Variants in TNRC6B observed in about 807,000 individuals in gnomAD.
TNRC6B encodes the protein trinucleotide repeat-containing gene 6B protein.
TNRC6B carries 52 observed loss-of-function variants against 203.6 expected under a neutral mutation model. The observed-to-expected ratio is 0.26, with a 90% confidence interval of 0.20 to 0.32. The LOEUF is 0.32. Ranked by LOEUF, TNRC6B falls within the 10% of genes least tolerant of loss-of-function variation. The pLI, the probability that TNRC6B is intolerant of heterozygous loss-of-function variation, is 1.00. For missense variants in TNRC6B, 1,923 were observed against 2,286.2 expected (o/e 0.84, Z 3.24); for synonymous variants, 838 against 845.7 (o/e 0.99, Z 0.16).
intron 1 of TNRC6B, among the ~76,000 whole-genome samples, chr22:40,206,554 C>T (rs569029734): frequency 2.8e-4 from 42 of 152,156 alleles, no homozygotes; most frequent in Non-Finnish European, 4.3e-4. Flanking sequence ...CCCATAAAAA[C>T]GCCATGCTTT....
chr22:40,047,947 C>A (rs2067705706), intron 1 of TNRC6B, among the ~76,000 whole-genome samples: 1 of 152,062 alleles, frequency 6.6e-6, no homozygotes, highest in African/African-American at 2.4e-5. Flanking sequence ...TCATTTTAGT[C>A]GTTGAATTGT....
At position 40,264,862 on chromosome 22, in the gene TNRC6B, C is replaced by T. The variant is rs2070450655; in HGVS notation, c.632C>T (p.Ser211Phe). 3 of 1,613,944 alleles carry T rather than the reference C, an allele frequency of 1.9e-6. No individual in the cohort carries two copies. Among genetic ancestry groups the T allele is most frequent in the Middle Eastern group, 1.6e-4 (1 of 6,062 alleles). The stretch of plus-strand genomic sequence containing the variant: ...ATTGCCAGCAAAGACACTGAATCTT[C>T]TTCCGAAAACACCACCGATAACAAC... ...PCIASKDTES[S>F]SENTTDNNSA... The change falls in exon 5 of 23, where the codon TCT becomes TTT. Residue 211 changes from serine (S) to phenylalanine (F), a missense_variant. Physicochemically the swap from Ser to Phe is radical, Grantham distance 155. Around this residue, in one of 8 missense-constraint regions of TNRC6B, gnomAD observed 614 missense variants for 587.7 expected, o/e 1.04. Transcript: ENST00000454349.
chr22:40,064,078 G>A (rs1259530742), intron 1 of TNRC6B, among the ~76,000 whole-genome samples: 1 of 152,078 alleles, frequency 6.6e-6, no homozygotes, highest in East Asian at 1.9e-4. Flanking sequence ...GAAATACAAT[G>A]GATTTTAATA....
At chr22:40,249,294 G>C (rs1335689843) in intron 2 of TNRC6B, among the ~76,000 whole-genome samples, 1 of 152,238 alleles carries the variant, frequency 6.6e-6, no homozygotes, top group Non-Finnish European at 1.5e-5. Context: ...GGTCAAGAAT[G>C]AAGGTGGAAA....
chr22:40,231,868 T>C (rs922269443), intron 1 of TNRC6B, among the ~76,000 whole-genome samples: 1 of 152,236 alleles, frequency 6.6e-6, no homozygotes, highest in Non-Finnish European at 1.5e-5. Flanking sequence ...CTGCCTGTTG[T>C]TGCCTATGTG....
rs760052516 is a variant in TNRC6B at position 40,323,023 on chromosome 22, G to A, written c.5284G>A (p.Ala1762Thr). The A allele has an allele frequency of 3.7e-6, 6 of 1,603,902 alleles. No individual in the cohort carries two copies. In the South Asian group the frequency reaches 5.6e-5, roughly 15 times the overall value. Residue 1762 changes from alanine (A) to threonine (T), a missense_variant, in exon 23 of 23, where the codon GCT (alanine) becomes ACT (threonine). By Grantham distance (58) the Ala-to-Thr change is moderately conservative (BLOSUM62 0). This residue lies in a region of TNRC6B where 126 missense variants were observed against 137.5 expected (regional missense o/e 0.92). Transcript: ENST00000454349. Reference sequence around the variant, plus strand: ...GAACCAGTCAGATCCCGTGGGACCTGCTCTGAATCTTTTTGGTGGGTCCAC... The same window carrying A: ...GAACCAGTCAGATCCCGTGGGACCTACTCTGAATCTTTTTGGTGGGTCCAC... ...GQNQSDPVGP[A>T]LNLFGGSTGL...
chr22:40,170,943 A>G (rs1232259598), intron 4 of TNRC6B, among the ~76,000 whole-genome samples: 1 of 146,946 alleles, frequency 6.8e-6, no homozygotes, highest in African/African-American at 2.5e-5. Flanking sequence ...ATATATGTAC[A>G]TATAGGTGTA....
At position 40,083,228 on chromosome 22, in the gene TNRC6B, A is replaced by G. The variant is rs541646864; in HGVS notation, c.-120-33827A>G. Among the ~76,000 whole-genome samples the G allele has an allele frequency of 1.1e-4, 17 of 152,314 alleles. 1 individual carries two copies. The South Asian group carries it at 3.1e-3, about 28-fold the overall frequency. On this transcript the variant is annotated intron_variant, in intron 1 of 23. Coordinates refer to the TNRC6B transcript ENST00000301923. ...AGTGTGGTGCCCTAGAAGCTGCTGT[A>G]TCCCTCACCAATCCCAGGACAGTGA... is the stretch of plus-strand genomic sequence containing the variant.
intron 1 of TNRC6B, among the ~76,000 whole-genome samples, chr22:40,115,690 A>G (rs2068381085): frequency 6.6e-6 from 1 of 152,188 alleles, no homozygotes; most frequent in African/African-American, 2.4e-5. Context: ...TTGTCCAACC[A>G]GGGAGGATAC....
chr22:40,206,498 A>T (rs1401229745), intron 1 of TNRC6B, among the ~76,000 whole-genome samples: 2 of 152,242 alleles, frequency 1.3e-5, no homozygotes, highest in African/African-American at 2.4e-5. Context: ...AATTATTTTT[A>T]AAAATGTCAA....
At chr22:40,173,794 T>TATATATATATATATATATA (rs201025367), upstream of TNRC6B, among the ~76,000 whole-genome samples, 19 of 31,422 alleles carry the variant, frequency 6.0e-4, no homozygotes, top group East Asian at 1.4e-3. Context: ...TATATATATA[T>TATATATATATATATATATA]TTTTTTTTTT....
chr22:40,276,341 A>G lies in TNRC6B; in HGVS notation c.3142-736A>G, dbSNP rs141603558. ...TAGCCTGGGTGACAGAGAAAAAAAAAAAAAAAGATAGCTATCATCACAACA... is the reference window on the plus strand; with the variant it reads ...TAGCCTGGGTGACAGAGAAAAAAAAGAAAAAAGATAGCTATCATCACAACA... On this transcript the variant is annotated intron_variant, in intron 7 of 22. Coordinates refer to ENST00000454349, the MANE Select transcript of TNRC6B (RefSeq NM_001162501.2). 5.1e-3 allele frequency among the ~76,000 whole-genome samples: 775 copies of G among 152,040 alleles called. 5 individuals are homozygous for G. Among genetic ancestry groups the G allele is most frequent in the African/African-American group, 0.018 (746 of 41,480 alleles).
At chr22:40,224,764 C>A (rs2069761291) in intron 1 of TNRC6B, among the ~76,000 whole-genome samples, 2 of 152,214 alleles carry the variant, frequency 1.3e-5, no homozygotes. Context: ...AATACTTTAT[C>A]CATCTGGAGT....
chr22:40,087,587 G>A (rs2068111696), intron 1 of TNRC6B, among the ~76,000 whole-genome samples: 1 of 152,148 alleles, frequency 6.6e-6, no homozygotes, highest in Admixed American at 6.5e-5. Flanking sequence ...GGGGGAGCCT[G>A]GCTTAGTCTG....
chr22:40,079,573 A>G (rs1300512537), intron 1 of TNRC6B, among the ~76,000 whole-genome samples: 9 of 151,204 alleles, frequency 6.0e-5, no homozygotes, highest in East Asian at 1.9e-4. Context: ...AAATCTAAGT[A>G]TATATATATA....
chr22:40,304,299 AT>A (rs2071063137), intron 15 of TNRC6B, among the ~76,000 whole-genome samples: 7 of 152,296 alleles, frequency 4.6e-5, no homozygotes, highest in Admixed American at 2.6e-4. Context: ...ATGGTTTCTA[AT>A]TCTGTCCTTT....
intron 2 of TNRC6B, among the ~76,000 whole-genome samples, chr22:40,118,158 G>T (rs999814983): frequency 6.6e-6 from 1 of 152,172 alleles, no homozygotes; most frequent in Non-Finnish European, 1.5e-5. Flanking sequence ...CTAGGCTTAT[G>T]TGCCTAGTGT....
chr22:40,132,661 A>AAAT (rs61448869), intron 3 of TNRC6B, among the ~76,000 whole-genome samples: 1 of 146,336 alleles, frequency 6.8e-6, no homozygotes, highest in African/African-American at 2.5e-5. Flanking sequence ...AAAAAAAAAA[A>AAAT]GGCTGGGCGC....
rs1339718994 is a variant in TNRC6B, at chr22:40,329,581, CCCCAT to C, written c.*6341_*6345del. On this transcript the variant is annotated 3_prime_UTR_variant, in exon 23 of 23. Transcript: ENST00000454349. The stretch of plus-strand genomic sequence containing the variant: ...CTAACCTGCTCACCATACCTCCCCA[CCCCAT>C]GCCTCTGAAGAAAGAGGCCATGAAC... 5.9e-5 allele frequency: 9 copies of C among 152,138 alleles called. No homozygotes were observed. Among genetic ancestry groups the C allele is most frequent in the African/African-American group, 2.2e-4 (9 of 41,406 alleles). 9.4% of individuals were successfully genotyped at this position (152,138 alleles called of 1,614,324 possible). A position where few individuals can be genotyped will look rare whatever the true frequency, so the allele number is the denominator to read the frequency against.
Sources: gnomAD v4.1 joint callset for allele counts (sites outside exome capture counted in the v4.1 genomes callset) on GRCh38, gnomAD v4.1.1 for gene constraint, gnomAD v4.1.1 regional missense constraint, MANE v1.5 for transcripts, NCBI Gene and HGNC (gene_info 2026-07-23, HGNC 2026-07-21) for gene names.